Variants in ERI1 observed in about 807,000 individuals in gnomAD.
ERI1 encodes 3'-5' exoribonuclease 1.
A neutral mutation model predicts 39.7 loss-of-function variants in ERI1; 39 were observed. That is an observed-to-expected ratio of 0.98 (90% CI 0.76 to 1.28). ERI1 has a LOEUF of 1.28. Ranked by LOEUF, ERI1 falls within the 50% of genes most tolerant of loss-of-function variation. The probability of loss-of-function intolerance (pLI) is 0.00; values close to 1 mark genes in which losing one functional copy is unlikely to be tolerated. For missense variants in ERI1, 581 were observed against 416.9 expected, an observed-to-expected ratio of 1.39 and a Z score of -3.43; for synonymous variants, 204 against 149.6, an observed-to-expected ratio of 1.36 and a Z score of -2.65.
chr8:9,034,483 A>C (rs138140846), downstream of ERI1, among the ~76,000 whole-genome samples: 35 of 152,202 alleles, frequency 2.3e-4, no homozygotes, highest in East Asian at 2.9e-3. Context: ...CTATATTTCA[A>C]ACTTTTTGAT....
At chr8:9,096,738 T>C (rs1426440769) in intron 3 of ERI1, 2 of 140,570 alleles carry the variant, frequency 1.4e-5, no homozygotes, top group African/African-American at 2.7e-5. Context: ...TTTTTTTCTT[T>C]TCAGACGGGA....
chr8:9,017,425 C>G (rs1365034882), intron 4 of ERI1, among the ~76,000 whole-genome samples: 5 of 152,146 alleles, frequency 3.3e-5, no homozygotes, highest in Non-Finnish European at 7.3e-5. Context: ...TTCATTCACT[C>G]CACGTGTATT....
chr8:9,082,547 A>G (rs780430858), intron 3 of ERI1, among the ~76,000 whole-genome samples: 3 of 152,114 alleles, frequency 2.0e-5, no homozygotes, highest in Non-Finnish European at 4.4e-5. Flanking sequence ...AAAAGATGCA[A>G]CAGCAGGAAT....
At chr8:9,046,785 G>A (rs903880886) in intron 3 of ERI1, among the ~76,000 whole-genome samples, 1 of 152,206 alleles carries the variant, frequency 6.6e-6, no homozygotes, top group Non-Finnish European at 1.5e-5. Context: ...TGGAAGAAAT[G>A]GAAGAAAGCA....
intron 3 of ERI1, among the ~76,000 whole-genome samples, chr8:9,084,708 T>C (rs893710690): frequency 5.9e-5 from 9 of 152,150 alleles, no homozygotes; most frequent in Non-Finnish European, 1.0e-4. Flanking sequence ...TCCCTCTTTT[T>C]CCAAGGAGTT....
At chr8:9,072,749 A>G (rs1379879400) in intron 3 of ERI1, among the ~76,000 whole-genome samples, 2 of 152,142 alleles carry the variant, frequency 1.3e-5, no homozygotes, top group East Asian at 1.9e-4. Context: ...GCTCTGCCAC[A>G]GTGCTAAGGA....
intron 1 of ERI1, among the ~76,000 whole-genome samples, chr8:9,006,537 A>G (rs1489657006): frequency 6.6e-6 from 1 of 152,232 alleles, no homozygotes; most frequent in East Asian, 1.9e-4. Flanking sequence ...TTACTAAATG[A>G]TGACTAAAGA....
At chr8:9,019,751 A>G (rs73195802) in intron 5 of ERI1, among the ~76,000 whole-genome samples, 11,990 of 152,246 alleles carry the variant, frequency 0.079, 535 homozygotes, top group Middle Eastern at 0.12. Flanking sequence ...TCCTGTTCCC[A>G]GTATAGCAGC....
chr8:9,024,919 G>A (rs780606735), intron 6 of ERI1, among the ~76,000 whole-genome samples: 1 of 147,108 alleles, frequency 6.8e-6, no homozygotes, highest in Non-Finnish European at 1.5e-5. Context: ...GACAATTTCT[G>A]CCTTTGCTCT....
chr8:9,050,918 T>C (rs1585262202), intron 3 of ERI1, among the ~76,000 whole-genome samples: 2 of 152,256 alleles, frequency 1.3e-5, no homozygotes, highest in Admixed American at 1.3e-4. Flanking sequence ...GGAAATGAGC[T>C]TTGTTAAGGC....
At chr8:9,012,888 C>T (rs927010182) in intron 3 of ERI1, among the ~76,000 whole-genome samples, 2 of 151,252 alleles carry the variant, frequency 1.3e-5, no homozygotes, top group Admixed American at 1.3e-4. Flanking sequence ...CCTTTTCTTC[C>T]ATTCTCTCAA....
intron 3 of ERI1, among the ~76,000 whole-genome samples, chr8:9,072,168 G>A (rs556987318): frequency 1.3e-5 from 2 of 152,124 alleles, no homozygotes; most frequent in Admixed American, 6.5e-5. Flanking sequence ...TTTCCCTAAC[G>A]TTTGACAATA....
At chr8:9,056,579 C>A (rs1157407343) in intron 3 of ERI1, among the ~76,000 whole-genome samples, 1 of 152,202 alleles carries the variant, frequency 6.6e-6, no homozygotes, top group Admixed American at 6.5e-5. Flanking sequence ...TCCTCAACAT[C>A]TTAAGGCTTT....
chr8:9,050,126 A>T (rs1045274814), intron 3 of ERI1, among the ~76,000 whole-genome samples: 1 of 151,866 alleles, frequency 6.6e-6, no homozygotes, highest in South Asian at 2.1e-4. Context: ...GAGGTAGAAT[A>T]TATATAAAGC....
intron 3 of ERI1, among the ~76,000 whole-genome samples, chr8:9,042,530 C>T (rs1450066598): frequency 6.6e-6 from 1 of 152,212 alleles, no homozygotes; most frequent in Non-Finnish European, 1.5e-5. Context: ...ATACTCAAAT[C>T]TGCCAGTTCC....
chr8:9,075,871 C>G (rs569986432), intron 3 of ERI1, among the ~76,000 whole-genome samples: 1 of 152,302 alleles, frequency 6.6e-6, no homozygotes, highest in South Asian at 2.1e-4. Flanking sequence ...CTCTTGGGCT[C>G]AAGCCATCCT....
At chr8:9,023,708 C>G (rs984385810) in intron 6 of ERI1, among the ~76,000 whole-genome samples, 5 of 142,762 alleles carry the variant, frequency 3.5e-5, no homozygotes, top group African/African-American at 1.0e-4. Flanking sequence ...ATAAAACTCT[C>G]TGTCACAAGT....
At chr8:9,095,856 A>G (rs1799861021) in intron 3 of ERI1, among the ~76,000 whole-genome samples, 1 of 152,116 alleles carries the variant, frequency 6.6e-6, no homozygotes, top group Non-Finnish European at 1.5e-5. Flanking sequence ...TTTAAGGATC[A>G]TCTGTAGGGG....
chr8:9,036,238 A>T (rs1270759488), downstream of ERI1, among the ~76,000 whole-genome samples: 2 of 152,236 alleles, frequency 1.3e-5, no homozygotes, highest in East Asian at 3.8e-4. Flanking sequence ...CTGTGGATAG[A>T]ATGCTATCAA....
Sources: allele counts gnomAD v4.1 joint callset (sites outside exome capture counted in the v4.1 genomes callset), GRCh38; gene constraint gnomAD v4.1.1; transcripts MANE v1.5; gene names NCBI Gene and HGNC (gene_info 2026-07-23, HGNC 2026-07-21).